The following VIPR1 variants were observed in gnomAD, a reference collection of about 807,000 sequenced individuals.
The protein encoded by VIPR1 is vasoactive intestinal peptide receptor 1.
Under a neutral mutation model 58.8 loss-of-function variants are expected in VIPR1, and 59 were observed. That is an observed-to-expected ratio of 1.00 (90% CI 0.81 to 1.25). The LOEUF (loss-of-function observed/expected upper bound fraction) is 1.25. Ranked by LOEUF, VIPR1 falls within the 50% of genes most tolerant of loss-of-function variation. The probability of loss-of-function intolerance (pLI) is 0.00; values close to 1 mark genes in which losing one functional copy is unlikely to be tolerated. For missense variants in VIPR1, 626 were observed against 602.7 expected, an observed-to-expected ratio of 1.04 and a Z score of -0.40; for synonymous variants, 251 against 242.1, an observed-to-expected ratio of 1.04 and a Z score of -0.34.
intron 8 of VIPR1, 43 bp downstream of exon 8, chr3:42,531,574 G>A: frequency 6.3e-7 from 1 of 1,587,260 alleles, no homozygotes; most frequent in Non-Finnish European, 8.6e-7. Flanking sequence ...CCATCACTTG[G>A]GCAGGCCCCC....
At chr3:42,495,789 A>G (rs922520747) in intron 1 of VIPR1, among the ~76,000 whole-genome samples, 1 of 152,094 alleles carries the variant, frequency 6.6e-6, no homozygotes, top group Non-Finnish European at 1.5e-5. Flanking sequence ...ATGGCCAGCA[A>G]AAAAGTAGGG....
upstream of VIPR1, chr3:42,501,953 CCAGGGCACCCAA>C: frequency 6.6e-6 from 1 of 152,302 alleles, no homozygotes; most frequent in Non-Finnish European, 1.5e-5. This position sits in a 1 kb window ranked among gnomAD's most constrained non-coding sequence, Gnocchi z 4.8. Context: ...GCTTGAAGGG[CCAGGGCACCCAA>C]CAGGTGCTGA....
chr3:42,525,797 G>C (rs1484994283), intron 3 of VIPR1, 90 bp from the exon 4 acceptor site: 1 of 1,346,720 alleles, frequency 7.4e-7, no homozygotes, highest in African/African-American at 1.4e-5. Context: ...TGGGAGTAGG[G>C]CTGAATTCTC....
In VIPR1 at chr3:42,535,083, G is replaced by A; in HGVS notation, c.1119G>A (p.Glu373=). ...NFKPEVKMVF[E]LVVGSFQGFV... ...AGCCTGAAGTGAAGATGGTCTTTGA[G>A]CTCGTCGTGGGGTCTTTCCAGGTAT... The change falls in exon 11 of 13, where the codon GAG becomes GAA. Residue 373 remains glutamate (E), a synonymous_variant. Transcript: ENST00000325123. 1 of 1,614,240 alleles carries A rather than the reference G, an allele frequency of 6.2e-7. No individual in the cohort carries two copies. Among genetic ancestry groups the A allele is most frequent in the Non-Finnish European group, 8.5e-7 (1 of 1,180,044 alleles).
intron 1 of VIPR1, chr3:42,508,130 T>A (rs1700203123): frequency 1.3e-5 from 2 of 152,064 alleles, no homozygotes; most frequent in Admixed American, 1.3e-4. Flanking sequence ...CTACCTGGGG[T>A]TATGCAAGGC....
intron 1 of VIPR1, among the ~76,000 whole-genome samples, chr3:42,489,957 C>T (rs1053056976): frequency 6.6e-6 from 1 of 152,118 alleles, no homozygotes; most frequent in African/African-American, 2.4e-5. Flanking sequence ...CAAGACCTCT[C>T]CTCCGACCCT....
intron 1 of VIPR1, chr3:42,507,012 A>C (rs1320474521): frequency 6.6e-6 from 1 of 152,172 alleles, no homozygotes. Flanking sequence ...TATATGCTTC[A>C]TTTGCTTTTG....
rs778585635 is a variant in VIPR1 at position 42,519,220 on chromosome 3, T to C, written c.185-3T>C. ...CCATGTGTCTTCTGCCTTACCCCCA[T>C]AGGCTGCAGCAAGATGTGGGACAAC... is the stretch of plus-strand genomic sequence containing the variant. On this transcript the variant is annotated splice_region_variant and splice_polypyrimidine_tract_variant and intron_variant, in intron 2 of 12. Transcript: ENST00000325123. 9.3e-6 allele frequency: 15 copies of C among 1,605,586 alleles called. No homozygotes were observed. Among genetic ancestry groups the C allele is most frequent in the African/African-American group, 2.7e-5 (2 of 74,624 alleles).
chr3:42,535,476 G>A (rs1456490068), intron 12 of VIPR1, 92 bp downstream of exon 12: 1 of 1,393,186 alleles, frequency 7.2e-7, no homozygotes, highest in Admixed American at 1.7e-5. Context: ...AGCAAGGACG[G>A]GTTAAACCTT....
At chr3:42,504,941 C>A (rs1243986855) in intron 1 of VIPR1, among the ~76,000 whole-genome samples, 2 of 151,024 alleles carry the variant, frequency 1.3e-5, no homozygotes, top group Non-Finnish European at 2.9e-5. Context: ...AGAAAACCTC[C>A]AGTGTCTCAG....
chr3:42,530,885 T>C lies in VIPR1; in HGVS notation c.743T>C (p.Phe248Ser), dbSNP rs1701504506. 22 of 1,614,078 alleles carry C rather than the reference T, an allele frequency of 1.4e-5. No homozygotes were observed. Among genetic ancestry groups the C allele is most frequent in the Non-Finnish European group, 1.7e-5 (20 of 1,179,954 alleles). ...CTGTACACCCTGCTTGCCGTCTCCT[T>C]CTTCTCTGAGCGGAAGTACTTCTGG... Reference protein sequence around the residue: ...LYLYTLLAVSFFSERKYFWGY... With the variant: ...LYLYTLLAVSSFSERKYFWGY... The change falls in exon 7 of 13, where the codon TTC becomes TCC. Residue 248 changes from phenylalanine (F) to serine (S), a missense_variant. By Grantham distance (155) the Phe-to-Ser change is radical. Coordinates refer to ENST00000325123, the MANE Select transcript of VIPR1 (RefSeq NM_004624.4).
intron 1 of VIPR1, among the ~76,000 whole-genome samples, chr3:42,505,947 G>C (rs961084362): frequency 3.3e-5 from 5 of 152,196 alleles, no homozygotes; most frequent in African/African-American, 1.2e-4. Context: ...TGTGAAAGGG[G>C]GTTTGTCTTT....
chr3:42,532,725 C>G (rs1174659842), intron 10 of VIPR1: 1 of 264,024 alleles, frequency 3.8e-6, no homozygotes, highest in African/African-American at 2.1e-5. Context: ...TGGGGGAGAC[C>G]CCAGTCCACC....
At chr3:42,510,140 T>C (rs1211931765) in intron 1 of VIPR1, among the ~76,000 whole-genome samples, 1 of 152,214 alleles carries the variant, frequency 6.6e-6, no homozygotes, top group Non-Finnish European at 1.5e-5. Context: ...TTGCTGCAGC[T>C]ACACCAGGCT....
rs1201489787 is a variant in VIPR1 at position 42,512,651 on chromosome 3, G to A, written c.79-1098G>A. 5 of 806,094 alleles carry A rather than the reference G, an allele frequency of 6.2e-6. No individual in the cohort carries two copies. In the African/African-American group the frequency reaches 7.4e-5, roughly 12 times the overall value. The allele number at this position is 806,094 out of a possible 1,614,324, so 49.9% of individuals were successfully genotyped here. ...AGGTAAGGACCCTGTCCCAGGGTGG[G>A]AGGGACAAGCTGGAGGAGACACTGA... On this transcript the variant is annotated intron_variant, in intron 1 of 12. Transcript: ENST00000325123.
At chr3:42,493,635 C>T (rs1374312482) in intron 1 of VIPR1, among the ~76,000 whole-genome samples, 2 of 152,180 alleles carry the variant, frequency 1.3e-5, no homozygotes, top group African/African-American at 4.8e-5. Context: ...AGAACCCATC[C>T]TTCAGTCAGG....
intron 4 of VIPR1, 69 bp downstream of exon 4, chr3:42,526,062 C>A: frequency 7.0e-7 from 1 of 1,423,786 alleles, no homozygotes; most frequent in Non-Finnish European, 9.7e-7. Context: ...TTGATCTCTC[C>A]CACCGAGGGG....
In VIPR1 at chr3:42,534,166, G is replaced by C. The variant is rs528410548; in HGVS notation, c.1011-809G>C. 2.0e-5 allele frequency: 3 copies of C among 152,538 alleles called. No homozygotes were observed. The South Asian group carries it at 6.2e-4, about 32-fold the overall frequency. The allele number at this position is 152,538 out of a possible 1,614,324, so 9.4% of individuals were successfully genotyped here. The stretch of plus-strand genomic sequence containing the variant: ...GCACTGGTGTGGGGAGGTAGGAGGA[G>C]GGGGATGCAACCCCAGAGAAGGTGG... On this transcript the variant is annotated intron_variant, in intron 10 of 12. Coordinates refer to ENST00000325123, the MANE Select transcript of VIPR1 (RefSeq NM_004624.4).
chr3:42,528,905 G>T (rs953435582), intron 6 of VIPR1, among the ~76,000 whole-genome samples: 5 of 152,146 alleles, frequency 3.3e-5, no homozygotes, highest in Non-Finnish European at 5.9e-5. Context: ...GATCATACTG[G>T]AATCTCAGGC....
Sources: gnomAD v4.1 joint callset for allele counts (sites outside exome capture counted in the v4.1 genomes callset) on GRCh38, gnomAD v4.1.1 for gene constraint, Gnocchi (gnomAD v3.1) non-coding constraint, MANE v1.5 for transcripts, NCBI Gene and HGNC (gene_info 2026-07-23, HGNC 2026-07-21) for gene names.